Variants in SPRY3 observed in about 807,000 individuals in gnomAD.
SPRY3 encodes the protein protein sprouty homolog 3.
A neutral mutation model predicts 20.2 loss-of-function variants in SPRY3; 15 were observed. The ratio of observed to expected loss-of-function variants is 0.74; its 90% confidence interval spans 0.50 to 1.14. The LOEUF is 1.14. Among genes scored for constraint, SPRY3 ranks in the 50% most tolerant of loss-of-function variants. The pLI, the probability that SPRY3 is intolerant of heterozygous loss-of-function variation, is 0.00. For missense variants in SPRY3, 364 were observed against 363.9 expected (o/e 1.00, Z 0.00); for synonymous variants, 143 against 136.5 (o/e 1.05, Z -0.33).
intron 2 of SPRY3, among the ~76,000 whole-genome samples, chrX:155,695,016 A>G (rs993338709): frequency 2.7e-5 from 3 of 111,657 alleles, no homozygotes; most frequent in African/African-American, 9.8e-5. Context: ...ACATATTAAA[A>G]CTATATGTAT....
chrX:155,780,407 A>G (rs1465893834), downstream of SPRY3: 1 of 166,980 alleles, frequency 6.0e-6, no homozygotes, highest in African/African-American at 2.4e-5. Flanking sequence ...CCTGTGTCCT[A>G]AGGCCTAGAG....
At chrX:155,706,620 C>A (rs1169037154) in intron 2 of SPRY3, among the ~76,000 whole-genome samples, 1 of 149,052 alleles carries the variant, frequency 6.7e-6, no homozygotes, top group Non-Finnish European at 1.5e-5. Flanking sequence ...AAAAAAAAAT[C>A]AAGAAGACAA....
At chrX:155,691,140 C>T (rs1035438944) in intron 2 of SPRY3, among the ~76,000 whole-genome samples, 1 of 86,838 alleles carries the variant, frequency 1.2e-5, no homozygotes, top group Non-Finnish European at 2.1e-5. Flanking sequence ...CGTGTTTAAC[C>T]CTGTGCTTGT....
At chrX:155,692,921 T>G (rs2068107836) in intron 2 of SPRY3, among the ~76,000 whole-genome samples, 1 of 111,500 alleles carries the variant, frequency 9.0e-6, no homozygotes, top group Non-Finnish European at 1.9e-5. Flanking sequence ...CTCTTTTATT[T>G]TCTTGATCTA....
chrX:155,743,294 T>C (rs1160871236), intron 2 of SPRY3, among the ~76,000 whole-genome samples: 4 of 152,020 alleles, frequency 2.6e-5, no homozygotes, highest in African/African-American at 9.7e-5. Flanking sequence ...GTGTCAGAGA[T>C]CTAGGGGAAT....
intron 2 of SPRY3, among the ~76,000 whole-genome samples, chrX:155,738,354 A>C (rs892074464): frequency 1.3e-5 from 2 of 152,180 alleles, no homozygotes; most frequent in African/African-American, 4.8e-5. Flanking sequence ...CAGTAAAAAA[A>C]AAATCAAACA....
At chrX:155,774,084 A>G in exon 4 of SPRY3, 1 of 1,613,964 alleles carries the variant, frequency 6.2e-7, no homozygotes, top group Non-Finnish European at 8.5e-7. Context: ...AGTGCCATCA[A>G]CTGCAGCCCT....
chrX:155,711,798 G>GT (rs972586923), intron 2 of SPRY3, among the ~76,000 whole-genome samples: 8 of 150,390 alleles, frequency 5.3e-5, no homozygotes, highest in Admixed American at 4.0e-4. Context: ...TCTTTAGGTT[G>GT]TTTTTTTGAA....
intron 2 of SPRY3, among the ~76,000 whole-genome samples, chrX:155,662,682 C>CAAAAAAA (rs34216827): frequency 5.2e-5 from 3 of 58,198 alleles, no homozygotes; most frequent in African/African-American, 1.4e-4. Flanking sequence ...TGTAGTTTGG[C>CAAAAAAA]AAAAAAAAAA....
chrX:155,728,002 G>C (rs2091109926), intron 2 of SPRY3, among the ~76,000 whole-genome samples: 1 of 152,128 alleles, frequency 6.6e-6, no homozygotes, highest in Admixed American at 6.5e-5. Flanking sequence ...TTTTGTTGAT[G>C]CTGATGTTAT....
chrX:155,744,761 T>C (rs2091218250), intron 2 of SPRY3, among the ~76,000 whole-genome samples: 1 of 152,056 alleles, frequency 6.6e-6, no homozygotes, highest in Admixed American at 6.6e-5. Context: ...AGAAACCTGC[T>C]GCACCACTCT....
chrX:155,708,873 C>T (rs1396840511), intron 2 of SPRY3, among the ~76,000 whole-genome samples: 1 of 151,296 alleles, frequency 6.6e-6, no homozygotes, highest in Non-Finnish European at 1.5e-5. Context: ...TACCCATTAA[C>T]CATCCCCACC....
chrX:155,682,491 A>G (rs1019131197), intron 2 of SPRY3, among the ~76,000 whole-genome samples: 3 of 111,531 alleles, frequency 2.7e-5, no homozygotes, highest in African/African-American at 6.5e-5. Context: ...GGATCCTCCT[A>G]TGGTACAAAG....
At chrX:155,750,083 G>C (rs938644447) in intron 2 of SPRY3, among the ~76,000 whole-genome samples, 1 of 151,774 alleles carries the variant, frequency 6.6e-6, no homozygotes, top group African/African-American at 2.4e-5. Flanking sequence ...ATACACCATA[G>C]AATACTACAC....
At chrX:155,769,514 T>C (rs1173875808) in intron 3 of SPRY3, among the ~76,000 whole-genome samples, 3 of 150,564 alleles carry the variant, frequency 2.0e-5, no homozygotes, top group Non-Finnish European at 4.4e-5. Flanking sequence ...CTTAAATTTC[T>C]TGTGTCATAT....
intron 2 of SPRY3, among the ~76,000 whole-genome samples, chrX:155,739,489 CT>C (rs1423471112): frequency 6.6e-6 from 1 of 152,206 alleles, no homozygotes; most frequent in Non-Finnish European, 1.5e-5. Context: ...AAGCTGGCCC[CT>C]GATCCCATTC....
At chrX:155,651,255 A>G (rs1397524247) in intron 1 of SPRY3, among the ~76,000 whole-genome samples, 1 of 109,526 alleles carries the variant, frequency 9.1e-6, no homozygotes, top group Non-Finnish European at 1.9e-5. Flanking sequence ...TTTAGTAGAG[A>G]CGGGGTTTCA....
intron 2 of SPRY3, among the ~76,000 whole-genome samples, chrX:155,670,406 C>T (rs781841369): frequency 2.7e-5 from 3 of 111,512 alleles, no homozygotes; most frequent in South Asian, 3.8e-4. Context: ...TGTCTTGCAG[C>T]GACAAGTCAA....
At chrX:155,761,133 A>G in intron 2 of SPRY3, among the ~76,000 whole-genome samples, 1 of 152,182 alleles carries the variant, frequency 6.6e-6, no homozygotes, top group Admixed American at 6.5e-5. Context: ...CCCACCACCA[A>G]AACCATTTTC....
Sources: gnomAD v4.1 joint callset for allele counts (sites outside exome capture counted in the v4.1 genomes callset) on GRCh38, gnomAD v4.1.1 for gene constraint, MANE v1.5 for transcripts, NCBI Gene and HGNC (gene_info 2026-07-23, HGNC 2026-07-21) for gene names.